NLGN1: variants seen among roughly 807,000 people sequenced by gnomAD.
NLGN1 encodes the protein neuroligin 1, also known as neuroligin-1.
NLGN1 carries 12 observed loss-of-function variants against 65.5 expected under a neutral mutation model. The observed-to-expected ratio is 0.18, with a 90% CI of 0.12 to 0.30. The LOEUF (loss-of-function observed/expected upper bound fraction) is 0.30, where lower values mean the gene tolerates loss of function less well. Ranked by LOEUF, NLGN1 falls within the 10% of genes least tolerant of loss-of-function variation. The pLI is 1.00. For synonymous variants in NLGN1, 350 were observed against 359.5 expected, an observed-to-expected ratio of 0.97 and a Z score of 0.30; for missense variants, 750 against 1,007.1, an observed-to-expected ratio of 0.74 and a Z score of 3.46.
intron 3 of NLGN1, among the ~76,000 whole-genome samples, chr3:173,667,176 T>G (rs1290833239): frequency 6.6e-6 from 1 of 151,934 alleles, no homozygotes; most frequent in Non-Finnish European, 1.5e-5. Flanking sequence ...TTGGATTTGT[T>G]GGGCATTTAG....
chr3:173,586,462 C>G (rs1238463801), intron 2 of NLGN1, among the ~76,000 whole-genome samples: 4 of 152,112 alleles, frequency 2.6e-5, no homozygotes, highest in Non-Finnish European at 5.9e-5. Flanking sequence ...TCTAACCAAA[C>G]TTTCTTCCTG....
At chr3:173,660,162 G>A (rs995817687) in intron 3 of NLGN1, among the ~76,000 whole-genome samples, 1 of 151,842 alleles carries the variant, frequency 6.6e-6, no homozygotes, top group African/African-American at 2.4e-5. Context: ...TCAGCCCCAA[G>A]CTAAATAGAG....
intron 4 of NLGN1, among the ~76,000 whole-genome samples, chr3:174,054,778 A>T (rs957658059): frequency 6.6e-6 from 1 of 151,974 alleles, no homozygotes; most frequent in Non-Finnish European, 1.5e-5. Context: ...TTTCCATAAA[A>T]GTTTCTAAGC....
At chr3:173,496,987 T>G (rs1189512819) in intron 2 of NLGN1, among the ~76,000 whole-genome samples, 2 of 151,926 alleles carry the variant, frequency 1.3e-5, no homozygotes, top group Non-Finnish European at 2.9e-5. Flanking sequence ...AAGAAAGTTT[T>G]GCAGTGGTGT....
chr3:174,115,984 A>G (rs550795304), intron 4 of NLGN1, among the ~76,000 whole-genome samples: 2 of 152,312 alleles, frequency 1.3e-5, no homozygotes, highest in South Asian at 4.1e-4. Context: ...TGAATTGTGC[A>G]TATGCCTTGT....
At chr3:173,767,618 C>G (rs974782848) in intron 3 of NLGN1, among the ~76,000 whole-genome samples, 6 of 152,086 alleles carry the variant, frequency 3.9e-5, no homozygotes, top group African/African-American at 9.6e-5. Context: ...TTTAAATTGT[C>G]CAGCCAATTC....
At chr3:173,902,003 G>A (rs1449677917) in intron 4 of NLGN1, among the ~76,000 whole-genome samples, 10 of 151,952 alleles carry the variant, frequency 6.6e-5, no homozygotes, top group African/African-American at 2.4e-4. Flanking sequence ...TTCTGATGTG[G>A]ATTTTATTAT....
At chr3:173,667,715 C>T (rs886545727) in intron 3 of NLGN1, among the ~76,000 whole-genome samples, 12 of 152,022 alleles carry the variant, frequency 7.9e-5, no homozygotes, top group East Asian at 3.9e-4. Context: ...CTGCAACCTC[C>T]GCCTCCTGGG....
At chr3:173,815,026 C>G (rs1718734900) in intron 4 of NLGN1, among the ~76,000 whole-genome samples, 1 of 150,602 alleles carries the variant, frequency 6.6e-6, no homozygotes, top group Non-Finnish European at 1.5e-5. Flanking sequence ...CTTTCCTTTC[C>G]CTTTCTTTTC....
intron 3 of NLGN1, among the ~76,000 whole-genome samples, chr3:173,782,423 TAAAC>T (rs749381571): frequency 2.6e-5 from 4 of 152,162 alleles, no homozygotes; most frequent in South Asian, 2.1e-4. Flanking sequence ...TTATAAGAAA[TAAAC>T]AAGCATGTGC....
At chr3:173,722,150 T>C (rs1271758959) in intron 3 of NLGN1, among the ~76,000 whole-genome samples, 2 of 152,120 alleles carry the variant, frequency 1.3e-5, no homozygotes, top group Non-Finnish European at 2.9e-5. Flanking sequence ...AATGGGTTGA[T>C]AGCCTTTGCT....
intron 3 of NLGN1, among the ~76,000 whole-genome samples, chr3:173,744,054 A>T (rs1273045068): frequency 6.6e-6 from 1 of 152,154 alleles, no homozygotes; most frequent in Non-Finnish European, 1.5e-5. Flanking sequence ...TTACATAAAG[A>T]TATAACATGA....
intron 2 of NLGN1, among the ~76,000 whole-genome samples, chr3:173,583,672 G>T (rs1746768056): frequency 6.6e-6 from 1 of 152,194 alleles, no homozygotes; most frequent in African/African-American, 2.4e-5. Context: ...GAAATTCCTT[G>T]CATTGACTCT....
chr3:174,042,253 T>C (rs920224980), intron 4 of NLGN1, among the ~76,000 whole-genome samples: 9 of 152,162 alleles, frequency 5.9e-5, no homozygotes, highest in Non-Finnish European at 1.2e-4. Flanking sequence ...TCTTTTATAA[T>C]TATTCTTTTG....
chr3:174,058,546 C>G (rs1305716606), intron 4 of NLGN1, among the ~76,000 whole-genome samples: 1 of 151,956 alleles, frequency 6.6e-6, no homozygotes, highest in African/African-American at 2.4e-5. Flanking sequence ...TAGGTAGATA[C>G]TCGTATACAT....
chr3:173,518,824 G>C (rs1734282749), intron 2 of NLGN1, among the ~76,000 whole-genome samples: 1 of 152,116 alleles, frequency 6.6e-6, no homozygotes, highest in Non-Finnish European at 1.5e-5. Context: ...AGAAATTCAA[G>C]CTGGCTGCAG....
At chr3:173,539,634 A>AGGTATAG (rs778238799) in intron 2 of NLGN1, among the ~76,000 whole-genome samples, 1 of 131,592 alleles carries the variant, frequency 7.6e-6, no homozygotes, top group Non-Finnish European at 1.5e-5. Flanking sequence ...TTATATATAC[A>AGGTATAG]CATATATACA....
At chr3:173,769,561 G>T (rs1024618901) in intron 3 of NLGN1, among the ~76,000 whole-genome samples, 1 of 152,188 alleles carries the variant, frequency 6.6e-6, no homozygotes, top group Non-Finnish European at 1.5e-5. Flanking sequence ...GCATGAAACT[G>T]TCTGCCCTTC....
chr3:173,993,271 G>A (rs944045737), intron 4 of NLGN1, among the ~76,000 whole-genome samples: 4 of 152,144 alleles, frequency 2.6e-5, no homozygotes, highest in Non-Finnish European at 5.9e-5. Context: ...TGCCTCATGG[G>A]TTTATTTGTG....
Sources: allele counts gnomAD v4.1 joint callset (sites outside exome capture counted in the v4.1 genomes callset), GRCh38; gene constraint gnomAD v4.1.1; transcripts MANE v1.5; gene names NCBI Gene and HGNC (gene_info 2026-07-23, HGNC 2026-07-21).